Variants in CBFA2T3 observed in about 807,000 individuals in gnomAD.
CBFA2T3 encodes transcriptional corepressor CBFA2T3.
In CBFA2T3, 31 loss-of-function variants were observed where a neutral mutation model predicts 58.6. The observed-to-expected ratio is 0.53, with a 90% CI of 0.40 to 0.71. The LOEUF is 0.71. Among genes scored for constraint, CBFA2T3 ranks in the 30% least tolerant of loss-of-function variants. The pLI is 0.00. For synonymous variants in CBFA2T3, 531 were observed against 421.9 expected, an observed-to-expected ratio of 1.26 and a Z score of -3.17; for missense variants, 1,076 against 963.1, an observed-to-expected ratio of 1.12 and a Z score of -1.55.
intron 1 of CBFA2T3, among the ~76,000 whole-genome samples, chr16:88,913,215 C>A (rs1366541251): frequency 6.6e-6 from 1 of 152,224 alleles, no homozygotes; most frequent in African/African-American, 2.4e-5. Context: ...CTCTGTGGAG[C>A]CCCCACGTGA....
chr16:88,898,323 G>A (rs558058860), intron 2 of CBFA2T3, among the ~76,000 whole-genome samples, 171 bp from the exon 3 acceptor site: 31 of 152,194 alleles, frequency 2.0e-4, no homozygotes, highest in African/African-American at 7.2e-4. Context: ...GCTTCTCAGA[G>A]TGATTTTTGA....
intron 1 of CBFA2T3, among the ~76,000 whole-genome samples, chr16:88,906,947 G>A (rs1970359326): frequency 6.6e-6 from 1 of 152,244 alleles, no homozygotes; most frequent in Non-Finnish European, 1.5e-5. Flanking sequence ...AAGGGACGCT[G>A]GCTCGTACTG....
At position 88,882,694 on chromosome 16, in the gene CBFA2T3, C is replaced by CT. The variant is rs1168097059; in HGVS notation, c.1184dup (p.Trp396ValfsTer89). On this transcript the variant is annotated frameshift_variant, in exon 8 of 12. Transcript: ENST00000268679. LOFTEE classifies it high-confidence loss of function. ...CACTCACGTTGTTGAGGTGCTTCCA[C>CT]TCTTCTGCCCACTCACGCTCTGTGA... 6 of 1,587,554 alleles carry CT rather than the reference C, an allele frequency of 3.8e-6. No individual in the cohort carries two copies. The highest frequency in any genetic ancestry group is 1.3e-5 in the African/African-American group (1 of 74,646).
chr16:88,878,948 T>TCCATC (rs932292555), intron 11 of CBFA2T3, among the ~76,000 whole-genome samples: 62 of 152,192 alleles, frequency 4.1e-4, no homozygotes, highest in African/African-American at 1.5e-3. Flanking sequence ...AGAGTGAAAC[T>TCCATC]CCATCTCAGC....
rs758104369 is a variant in CBFA2T3 at position 88,879,299 on chromosome 16, C to A, written c.1633G>T (p.Val545Phe). 6.8e-6 allele frequency: 11 copies of A among 1,606,436 alleles called. No homozygotes were observed. The highest frequency in any genetic ancestry group is 9.3e-6 in the Non-Finnish European group (11 of 1,176,846). ...CTGGAGTCCTCCTGCTGGTTGATGA[C>A]CGTCAGGGCGTCCTCGGAGGCCTGC... ...KRQASEDALT[V>F]INQQEDSSES... The change falls in exon 11 of 12, where the codon GTC becomes TTC. Residue 545 changes from valine to phenylalanine, a missense_variant. By Grantham distance (50) the Val-to-Phe change is conservative (BLOSUM62 -1). Coordinates refer to ENST00000268679, the MANE Select transcript of CBFA2T3 (RefSeq NM_005187.6).
At chr16:88,906,112 A>C (rs946133108) in intron 1 of CBFA2T3, among the ~76,000 whole-genome samples, 16 of 152,058 alleles carry the variant, frequency 1.1e-4, no homozygotes, top group Non-Finnish European at 1.9e-4. Flanking sequence ...GGCTATTATT[A>C]TCCTCCTCTA....
At position 88,954,400 on chromosome 16, in the gene CBFA2T3, C is replaced by G. The variant is rs1331612053; in HGVS notation, c.151+22257G>C. ...ACCCCACCCAAGACTCCTGACCCTA[C>G]CCAAGACTCCTGACCCCACCCAAGG... On this transcript the variant is annotated intron_variant, in intron 1 of 11. Transcript: ENST00000268679. 2.8e-3 allele frequency among the ~76,000 whole-genome samples: 197 copies of G among 71,302 alleles called. 5 individuals are homozygous for G. Among genetic ancestry groups the G allele is most frequent in the Middle Eastern group, 0.017 (1 of 60 alleles). 46.8% of individuals were successfully genotyped at this position (71,302 alleles called of 152,430 possible).
chr16:88,923,604 G>T (rs1970990529), intron 1 of CBFA2T3, among the ~76,000 whole-genome samples: 1 of 152,272 alleles, frequency 6.6e-6, no homozygotes, highest in Admixed American at 6.5e-5. Context: ...GGGTTGTGAA[G>T]GGGCTGCAGG....
rs528447883 is a variant in CBFA2T3 at position 88,943,414 on chromosome 16, A to G, written c.151+33243T>C. The stretch of plus-strand genomic sequence containing the variant: ...TGCTCACAACCATTTGAGGAGTGAC[A>G]GACCTGAAGGCACTGAAGATACCAC... On this transcript the variant is annotated intron_variant, in intron 1 of 11. Transcript: ENST00000268679. 2.8e-4 allele frequency among the ~76,000 whole-genome samples: 42 copies of G among 152,380 alleles called. No homozygotes were observed. In the South Asian group the frequency reaches 8.1e-3, roughly 29 times the overall value.
chr16:88,892,064 GAGGC>G (rs1969655026), intron 4 of CBFA2T3, 93 bp from the exon 5 acceptor site: 7 of 1,379,890 alleles, frequency 5.1e-6, no homozygotes, highest in South Asian at 1.2e-5. Context: ...TTCCGTGTTG[GAGGC>G]AGGCAGGCAG....
At chr16:88,925,577 G>A (rs1971060281) in intron 1 of CBFA2T3, among the ~76,000 whole-genome samples, 1 of 152,208 alleles carries the variant, frequency 6.6e-6, no homozygotes, top group African/African-American at 2.4e-5. Context: ...ACTTTGCAGT[G>A]GCAGACACAG....
chr16:88,926,378 G>A (rs1360450054), intron 1 of CBFA2T3, among the ~76,000 whole-genome samples: 1 of 152,222 alleles, frequency 6.6e-6, no homozygotes, highest in Non-Finnish European at 1.5e-5. Flanking sequence ...GGGACCTGGC[G>A]TGCTATGGGC....
rs577407553 is a variant in CBFA2T3, at chr16:88,965,490, C to T, written c.151+11167G>A. 7.2e-5 allele frequency among the ~76,000 whole-genome samples: 11 copies of T among 152,330 alleles called. No homozygotes were observed. The East Asian group carries it at 1.3e-3, about 19-fold the overall frequency. On this transcript the variant is annotated intron_variant, in intron 1 of 11. Transcript: ENST00000268679. ...GTTTAGAAGGATACTTGGTGCGCAG[C>T]GCCAGCCACAGGCCCCGAATCCTGC...
chr16:88,892,535 A>G (rs778122341), intron 3 of CBFA2T3, 50 bp from the exon 4 acceptor site: 6 of 1,603,888 alleles, frequency 3.7e-6, no homozygotes, highest in Non-Finnish European at 5.1e-6. Context: ...GTGACAACAC[A>G]ACCCAGACGG....
Position 88,954,418 on chromosome 16 carries a change from A to G in CBFA2T3, c.151+22239T>C, listed in dbSNP as rs1237904079. Among the ~76,000 whole-genome samples, 33 of 131,482 alleles carry G rather than the reference A, an allele frequency of 2.5e-4. 1 individual carries two copies. The highest frequency in any genetic ancestry group is 9.3e-4 in the African/African-American group (29 of 31,174). 86.3% of individuals were successfully genotyped at this position (131,482 alleles called of 152,430 possible). The stretch of plus-strand genomic sequence containing the variant: ...GACCCTACCCAAGACTCCTGACCCC[A>G]CCCAAGGCTCCTGACCCCATCCAAG... On this transcript the variant is annotated intron_variant, in intron 1 of 11. Coordinates refer to ENST00000268679, the MANE Select transcript of CBFA2T3 (RefSeq NM_005187.6).
rs1969739553 is a variant in CBFA2T3 at position 88,893,565 on chromosome 16, C to T, written c.380-1080G>A. 2.6e-5 allele frequency among the ~76,000 whole-genome samples: 4 copies of T among 152,322 alleles called. No individual in the cohort carries two copies. In the South Asian group the frequency reaches 6.2e-4, roughly 24 times the overall value. Reference sequence around the variant, plus strand: ...AGGACACACTGGGTGGGTTCCTGCCCCTGGCGGCTGGACACGCAGATGCCC... The same window carrying T: ...AGGACACACTGGGTGGGTTCCTGCCTCTGGCGGCTGGACACGCAGATGCCC... On this transcript the variant is annotated intron_variant, in intron 3 of 11. Coordinates refer to ENST00000268679, the MANE Select transcript of CBFA2T3 (RefSeq NM_005187.6).
At position 88,931,866 on chromosome 16, in the gene CBFA2T3, T is replaced by C. The variant is rs547734279; in HGVS notation, c.152-30210A>G. On this transcript the variant is annotated intron_variant, in intron 1 of 11. Coordinates refer to ENST00000268679, the MANE Select transcript of CBFA2T3 (RefSeq NM_005187.6). The stretch of plus-strand genomic sequence containing the variant: ...TCAAGGGGTCACAGTGCAGAGGGGA[T>C]GGGGAGGAGGGTTTGGGGAGGGTAA... 2.6e-3 allele frequency among the ~76,000 whole-genome samples: 397 copies of C among 151,668 alleles called. 3 individuals are homozygous for C. Among genetic ancestry groups the C allele is most frequent in the African/African-American group, 8.9e-3 (368 of 41,334 alleles).
intron 1 of CBFA2T3, among the ~76,000 whole-genome samples, chr16:88,940,631 A>C (rs1423486303): frequency 6.6e-6 from 1 of 150,396 alleles, no homozygotes; most frequent in Non-Finnish European, 1.5e-5. Flanking sequence ...GGAGCTCTGG[A>C]CCCCCCTCCC....
chr16:88,958,635 G>A lies in CBFA2T3; in HGVS notation c.151+18022C>T, dbSNP rs1015392260. Among the ~76,000 whole-genome samples the A allele has an allele frequency of 3.9e-5, 6 of 152,208 alleles. No homozygotes were observed. Among genetic ancestry groups the A allele is most frequent in the Middle Eastern group, 3.4e-3 (1 of 294 alleles). On this transcript the variant is annotated intron_variant, in intron 1 of 11. Coordinates refer to ENST00000268679, the MANE Select transcript of CBFA2T3 (RefSeq NM_005187.6). This position sits in a 1 kb window ranked among gnomAD's most constrained non-coding sequence, Gnocchi z 4.0. ...GGGCAGGTGGAGAAGCACAGTCGCC[G>A]CCCAGCAGCCCAGCACTACCTTTGG...
Sources: allele counts gnomAD v4.1 joint callset (sites outside exome capture counted in the v4.1 genomes callset), GRCh38; gene constraint gnomAD v4.1.1; non-coding constraint Gnocchi (gnomAD v3.1); transcripts MANE v1.5; gene names NCBI Gene and HGNC (gene_info 2026-07-23, HGNC 2026-07-21).